The following DOP1B variants were observed in gnomAD, a reference collection of about 807,000 sequenced individuals.
The protein encoded by DOP1B is DOP1 leucine zipper like protein B.
DOP1B carries 174 observed loss-of-function variants against 233.5 expected under a neutral mutation model. That is an observed-to-expected ratio of 0.75 (90% CI 0.66 to 0.85). The LOEUF is 0.85. Among genes scored for constraint, DOP1B ranks in the 40% least tolerant of loss-of-function variants. The probability of loss-of-function intolerance (pLI) is 0.00; values close to 1 mark genes in which losing one functional copy is unlikely to be tolerated. For synonymous variants in DOP1B, 1,190 were observed against 1,185.6 expected (o/e 1.00, Z -0.08); for missense variants, 2,652 against 2,846.6 (o/e 0.93, Z 1.56).
At position 36,249,122 on chromosome 21, in the gene DOP1B, A is replaced by G. The variant is rs1481620313; in HGVS notation, c.4998+554A>G. On this transcript the variant is annotated intron_variant, in intron 21 of 36. Coordinates refer to ENST00000691173, the MANE Select transcript of DOP1B (RefSeq NM_001320714.2). ...CCCATCTCAAAAAAAAATAAAAATAATTAAAATAAATAAAGTCTCTAGAGC... is the reference window on the plus strand; with the variant it reads ...CCCATCTCAAAAAAAAATAAAAATAGTTAAAATAAATAAAGTCTCTAGAGC... Among the ~76,000 whole-genome samples, 5 of 150,786 alleles carry G rather than the reference A, an allele frequency of 3.3e-5. No individual in the cohort carries two copies. The East Asian group carries it at 6.0e-4, about 18-fold the overall frequency.
chr21:36,292,061 G>T, intron 35 of DOP1B, 43 bp from the exon 36 acceptor site: 1 of 1,548,978 alleles, frequency 6.5e-7, no homozygotes, highest in Admixed American at 2.2e-5. Flanking sequence ...CGACGTTGAA[G>T]GCCTCTTACC....
intron 2 of DOP1B, among the ~76,000 whole-genome samples, chr21:36,183,595 C>T (rs546342013): frequency 1.1e-3 from 174 of 152,332 alleles, no homozygotes; most frequent in African/African-American, 3.1e-3. Flanking sequence ...GGGAGCAGGA[C>T]GCCTACAGAG....
chr21:36,272,711 G>A (rs536266807), intron 27 of DOP1B, among the ~76,000 whole-genome samples: 90 of 146,970 alleles, frequency 6.1e-4, no homozygotes, highest in African/African-American at 2.0e-3. Flanking sequence ...CAGGCCGGGC[G>A]CGGTGGCTCA....
chr21:36,163,372 G>C (rs1211887491), intron 1 of DOP1B, among the ~76,000 whole-genome samples: 1 of 139,936 alleles, frequency 7.1e-6, no homozygotes, highest in East Asian at 2.1e-4. Context: ...AAGAAAGAAA[G>C]TAGTGGTGGC....
intron 2 of DOP1B, among the ~76,000 whole-genome samples, chr21:36,180,749 C>T (rs1358392740): frequency 2.0e-5 from 3 of 151,976 alleles, no homozygotes; most frequent in Non-Finnish European, 2.9e-5. Context: ...GGCATAGTGG[C>T]GTGCACCTGT....
At chr21:36,264,576 C>T (rs1331467910) in intron 26 of DOP1B, among the ~76,000 whole-genome samples, 2 of 151,722 alleles carry the variant, frequency 1.3e-5, no homozygotes, top group East Asian at 1.9e-4. Context: ...GGGGTTCAAG[C>T]GATTCTTCTG....
intron 2 of DOP1B, among the ~76,000 whole-genome samples, chr21:36,167,640 A>G (rs529139382): frequency 1.3e-5 from 2 of 152,122 alleles, no homozygotes; most frequent in South Asian, 4.1e-4. Context: ...AACCCTTACT[A>G]TCTAGTTCCA....
intron 23 of DOP1B, 129 bp from the exon 24 acceptor site, chr21:36,260,548 A>G: frequency 3.2e-6 from 4 of 1,240,726 alleles, no homozygotes; most frequent in Non-Finnish European, 4.5e-6. Context: ...GTCTGTTGTT[A>G]TATCTGAAAG....
At chr21:36,169,998 G>A in intron 2 of DOP1B, 2 of 756,366 alleles carry the variant, frequency 2.6e-6, no homozygotes, top group Admixed American at 3.4e-5. Flanking sequence ...ATCTTGGCCT[G>A]TCGACTTCCC....
At chr21:36,176,091 T>TGTGC (rs1569000897) in intron 2 of DOP1B, among the ~76,000 whole-genome samples, 1 of 142,800 alleles carries the variant, frequency 7.0e-6, no homozygotes, top group African/African-American at 2.7e-5. Context: ...CTTTGGGGTG[T>TGTGC]GTGTGCGTGT....
chr21:36,269,015 C>T (rs2067259118), intron 26 of DOP1B, among the ~76,000 whole-genome samples: 1 of 152,106 alleles, frequency 6.6e-6, no homozygotes, highest in African/African-American at 2.4e-5. Context: ...GTTGACAGAG[C>T]AAGACCCTGT....
At chr21:36,224,114 A>T (rs2066655884) in intron 11 of DOP1B, among the ~76,000 whole-genome samples, 1 of 152,028 alleles carries the variant, frequency 6.6e-6, no homozygotes, top group Non-Finnish European at 1.5e-5. Flanking sequence ...GCCATATTAT[A>T]TTGAGGTTAG....
rs761015908 is a variant in DOP1B, at chr21:36,245,432, G to T, written c.3452G>T (p.Gly1151Val). 8.7e-6 allele frequency: 14 copies of T among 1,613,884 alleles called. No homozygotes were observed. Among genetic ancestry groups the T allele is most frequent in the African/African-American group, 1.3e-5 (1 of 74,952 alleles). The change falls in exon 19 of 37, where the codon GGG (glycine) becomes GTG (valine). Residue 1151 changes from glycine (G) to valine (V), a missense_variant. Transcript: ENST00000691173. This position sits in a 1 kb window ranked among gnomAD's most constrained non-coding sequence, Gnocchi z 5.5. ...AACTGCTGTGCACCCATCCCCATGG[G>T]GGGCAGGGCGTACCCCAAGCGCTCG... ...EENCCAPIPM[G>V]GRAYPKRSAL... is the part of the protein sequence containing the mutation.
intron 2 of DOP1B, among the ~76,000 whole-genome samples, chr21:36,170,960 A>G (rs757954076): frequency 2.6e-5 from 4 of 152,186 alleles, no homozygotes; most frequent in Non-Finnish European, 4.4e-5. Flanking sequence ...GGTTGGGACA[A>G]AGGTGATGCT....
At chr21:36,168,722 G>A (rs2065939955) in intron 2 of DOP1B, among the ~76,000 whole-genome samples, 1 of 151,074 alleles carries the variant, frequency 6.6e-6, no homozygotes, top group African/African-American at 2.4e-5. Flanking sequence ...TAATACAGAT[G>A]GGGTTTCACC....
chr21:36,279,518 G>T (rs1476429450), intron 30 of DOP1B, among the ~76,000 whole-genome samples: 1 of 152,158 alleles, frequency 6.6e-6, no homozygotes, highest in South Asian at 2.1e-4. Context: ...CTTTTTGTAT[G>T]GCATGAAAGC....
chr21:36,191,552 A>C (rs113860827), intron 2 of DOP1B, among the ~76,000 whole-genome samples: 250 of 152,260 alleles, frequency 1.6e-3, no homozygotes, highest in African/African-American at 5.8e-3. Flanking sequence ...TTGGGAGGCC[A>C]AGGCAGGTGA....
At chr21:36,248,976 G>A (rs776111313) in intron 21 of DOP1B, among the ~76,000 whole-genome samples, 5 of 151,778 alleles carry the variant, frequency 3.3e-5, no homozygotes, top group East Asian at 1.9e-4. Context: ...GTGGTAGCAC[G>A]TGTCTGTAAT....
intron 15 of DOP1B, among the ~76,000 whole-genome samples, chr21:36,236,777 C>CTTTTTTTT (rs35374710): frequency 3.5e-4 from 42 of 118,560 alleles, no homozygotes; most frequent in Non-Finnish European, 4.9e-4. Flanking sequence ...TTTTCTTTTT[C>CTTTTTTTT]TTTTTTTTTT....
Sources: allele counts gnomAD v4.1 joint callset (sites outside exome capture counted in the v4.1 genomes callset), GRCh38; gene constraint gnomAD v4.1.1; non-coding constraint Gnocchi (gnomAD v3.1); transcripts MANE v1.5; gene names NCBI Gene and HGNC (gene_info 2026-07-23, HGNC 2026-07-21).